Variants in CORIN observed in about 807,000 individuals in gnomAD.
The protein encoded by CORIN is corin, serine peptidase, also known as atrial natriuretic peptide-converting enzyme.
CORIN carries 117 observed loss-of-function variants against 125.3 expected under a neutral mutation model. The ratio of observed to expected loss-of-function variants is 0.93; its 90% confidence interval spans 0.80 to 1.09. CORIN has a LOEUF of 1.09. CORIN is among the 50% of genes least tolerant of loss of function. The probability of loss-of-function intolerance (pLI) is 0.00; values close to 1 mark genes in which losing one functional copy is unlikely to be tolerated. For missense variants in CORIN, 1,253 were observed against 1,306.7 expected (o/e 0.96, Z 0.63); for synonymous variants, 450 against 466.4 (o/e 0.96, Z 0.45).
chr4:47,650,841 T>G (rs1337332207), intron 13 of CORIN, among the ~76,000 whole-genome samples: 1 of 151,778 alleles, frequency 6.6e-6, no homozygotes, highest in East Asian at 1.9e-4. Context: ...AGCATTCCCC[T>G]GTCTCTTAGA....
intron 3 of CORIN, among the ~76,000 whole-genome samples, chr4:47,769,775 C>A (rs1239555981): frequency 6.6e-6 from 1 of 152,024 alleles, no homozygotes; most frequent in Non-Finnish European, 1.5e-5. Flanking sequence ...AAACAACAGT[C>A]TCTTCAATAA....
intron 10 of CORIN, among the ~76,000 whole-genome samples, chr4:47,673,038 G>C (rs920006722): frequency 6.6e-6 from 1 of 152,024 alleles, no homozygotes; most frequent in African/African-American, 2.4e-5. Flanking sequence ...AGCTTCCAAG[G>C]GCCTTAGACT....
chr4:47,663,571 T>G (rs746069822), intron 11 of CORIN, among the ~76,000 whole-genome samples: 80 of 152,186 alleles, frequency 5.3e-4, no homozygotes, highest in Non-Finnish European at 1.0e-3. Context: ...CTTGGTCTTA[T>G]GCATTTTAAT....
intron 10 of CORIN, among the ~76,000 whole-genome samples, chr4:47,668,960 G>A (rs557524190): frequency 3.3e-5 from 5 of 152,278 alleles, no homozygotes; most frequent in Admixed American, 3.3e-4. Context: ...TATGATTTAT[G>A]ATATCAATAA....
chr4:47,787,172 T>C (rs1210392863), intron 2 of CORIN, among the ~76,000 whole-genome samples: 1 of 152,172 alleles, frequency 6.6e-6, no homozygotes, highest in East Asian at 1.9e-4. Context: ...TCTCAAGAGC[T>C]TACGGTTTAG....
intron 2 of CORIN, among the ~76,000 whole-genome samples, chr4:47,801,329 A>G (rs1292360645): frequency 6.6e-6 from 1 of 152,196 alleles, no homozygotes; most frequent in African/African-American, 2.4e-5. Context: ...CTATGTTAAC[A>G]GGTAGTATCA....
intron 5 of CORIN, among the ~76,000 whole-genome samples, chr4:47,699,160 G>A (rs960711336): frequency 1.3e-5 from 2 of 152,192 alleles, no homozygotes; most frequent in Admixed American, 6.5e-5. Flanking sequence ...ATATCTAGGA[G>A]CTTGGGAAAT....
At chr4:47,796,283 A>G (rs1054486809) in intron 2 of CORIN, among the ~76,000 whole-genome samples, 12 of 152,116 alleles carry the variant, frequency 7.9e-5, no homozygotes, top group Non-Finnish European at 1.8e-4. Flanking sequence ...GCCTTAAAAA[A>G]GAAGAAAATC....
chr4:47,778,606 T>G (rs1178878895), intron 3 of CORIN, among the ~76,000 whole-genome samples: 3 of 152,238 alleles, frequency 2.0e-5, no homozygotes, highest in Admixed American at 6.5e-5. Flanking sequence ...AAGTCTTTAC[T>G]AGAATGCTGA....
intron 1 of CORIN, among the ~76,000 whole-genome samples, chr4:47,819,984 C>G (rs917265530): frequency 2.0e-5 from 3 of 152,176 alleles, no homozygotes; most frequent in Non-Finnish European, 4.4e-5. Context: ...ACTGCTATTA[C>G]AATCCTGAAG....
chr4:47,692,983 G>A lies in CORIN; in HGVS notation c.900C>T (p.Asp300=), dbSNP rs767155241. 20 of 1,612,438 alleles carry A rather than the reference G, an allele frequency of 1.2e-5. No individual in the cohort carries two copies. The highest frequency in any genetic ancestry group is 1.7e-4 in the Middle Eastern group (1 of 6,060). The change falls in exon 6 of 22, where the codon GAC becomes GAT. Residue 300 remains aspartate (D), a synonymous_variant. Transcript: ENST00000273857. ...CTTGTCACATACTGCAATGAGCCTC[G>A]TCACTCCAGTCGTCACAGTCGTTGT... The part of the protein sequence containing the change: ...NGYNDCDDWS[D]EAHCNCSENL...
rs374622955 is a variant in CORIN, at chr4:47,653,589, C to A, written c.1807G>T (p.Ala603Ser). ...VLASRRCDGQ[A>S]DCDDDSDEEN... ...TCATCACTGTCATCGTCACAGTCGG[C>A]CTGGCCATCACATCTTCTGGAAGCC... The change falls in exon 13 of 22, where the codon GCC (alanine) becomes TCC (serine). Residue 603 changes from alanine (A) to serine (S), a missense_variant. Transcript: ENST00000273857. 66 of 1,613,986 alleles carry A rather than the reference C, an allele frequency of 4.1e-5. No homozygotes were observed. The highest frequency in any genetic ancestry group is 5.5e-5 in the Non-Finnish European group (65 of 1,179,980).
intron 1 of CORIN, chr4:47,831,440 T>G (rs1202239671): frequency 6.6e-6 from 1 of 151,926 alleles, no homozygotes; most frequent in African/African-American, 2.4e-5. Context: ...AGAGAAAGGG[T>G]GGAGACTGAA....
chr4:47,790,602 T>G (rs1255081249), intron 2 of CORIN, among the ~76,000 whole-genome samples: 2 of 152,158 alleles, frequency 1.3e-5, no homozygotes, highest in Non-Finnish European at 2.9e-5. Flanking sequence ...ATCAAATCAG[T>G]CAATACCTAT....
intron 4 of CORIN, among the ~76,000 whole-genome samples, chr4:47,750,920 A>G (rs984234576): frequency 6.6e-6 from 1 of 152,230 alleles, no homozygotes; most frequent in Non-Finnish European, 1.5e-5. Context: ...GCACCTAGTG[A>G]AAGTTCAGCA....
At chr4:47,711,052 T>C (rs916178744) in intron 5 of CORIN, among the ~76,000 whole-genome samples, 1 of 152,184 alleles carries the variant, frequency 6.6e-6, no homozygotes, top group Admixed American at 6.5e-5. Flanking sequence ...GAACAAAGAA[T>C]GTCAAGGAGG....
intron 5 of CORIN, among the ~76,000 whole-genome samples, chr4:47,719,677 A>C (rs1159327750): frequency 6.6e-6 from 1 of 152,176 alleles, no homozygotes; most frequent in Non-Finnish European, 1.5e-5. Flanking sequence ...ACTTTGTAAA[A>C]ATCTGTAAAA....
intron 10 of CORIN, among the ~76,000 whole-genome samples, chr4:47,669,167 A>G (rs1724623599): frequency 6.6e-6 from 1 of 152,164 alleles, no homozygotes; most frequent in Admixed American, 6.5e-5. Context: ...AAAAATCCTG[A>G]TGGAATCTCA....
rs539273913 is a variant in CORIN at position 47,729,098 on chromosome 4, G to C, written c.799+15304C>G. Among the ~76,000 whole-genome samples the C allele has an allele frequency of 1.8e-3, 275 of 152,202 alleles. 2 individuals are homozygous for C. Among genetic ancestry groups the C allele is most frequent in the African/African-American group, 6.0e-3 (250 of 41,516 alleles). On this transcript the variant is annotated intron_variant, in intron 5 of 21. Transcript: ENST00000273857. ...TTATCTGGCACTGCTTCTTTATCCT[G>C]GGTATGTGGCATAGCAAAGTCAAAA...
Sources: allele counts gnomAD v4.1 joint callset (sites outside exome capture counted in the v4.1 genomes callset), GRCh38; gene constraint gnomAD v4.1.1; transcripts MANE v1.5; gene names NCBI Gene and HGNC (gene_info 2026-07-23, HGNC 2026-07-21).